Variants in MAPKAP1 observed in about 807,000 individuals in gnomAD.
MAPKAP1 encodes the protein target of rapamycin complex 2 subunit MAPKAP1.
MAPKAP1 carries 20 observed loss-of-function variants against 65.7 expected under a neutral mutation model. The observed-to-expected ratio is 0.30, with a 90% confidence interval of 0.21 to 0.44. The LOEUF is 0.44. Ranked by LOEUF, MAPKAP1 falls within the 20% of genes least tolerant of loss-of-function variation. MAPKAP1 has a pLI of 1.00. For missense variants in MAPKAP1, 423 were observed against 648.0 expected (o/e 0.65, Z 3.77); for synonymous variants, 222 against 244.3 (o/e 0.91, Z 0.85).
chr9:125,644,575 A>G (rs927049260), intron 4 of MAPKAP1, among the ~76,000 whole-genome samples: 6 of 152,230 alleles, frequency 3.9e-5, no homozygotes, highest in South Asian at 2.1e-4. Context: ...TGCTTTATTA[A>G]AGCTCATTAC....
At chr9:125,621,469 C>T (rs1832897661) in intron 4 of MAPKAP1, among the ~76,000 whole-genome samples, 1 of 152,154 alleles carries the variant, frequency 6.6e-6, no homozygotes, top group African/African-American at 2.4e-5. Context: ...TACTACCTAT[C>T]TCAGAAGTTC....
At chr9:125,497,156 G>T (rs769938924) in intron 8 of MAPKAP1, among the ~76,000 whole-genome samples, 1 of 152,260 alleles carries the variant, frequency 6.6e-6, no homozygotes, top group Non-Finnish European at 1.5e-5. Flanking sequence ...CTCAGACTAA[G>T]ACCTCTGGAT....
At chr9:125,663,393 A>C (rs1834245869) in intron 3 of MAPKAP1, among the ~76,000 whole-genome samples, 1 of 152,186 alleles carries the variant, frequency 6.6e-6, no homozygotes, top group Admixed American at 6.5e-5. Flanking sequence ...CTACTCAAAC[A>C]GTACCTTCCT....
chr9:125,647,161 A>G (rs936262080), intron 4 of MAPKAP1, among the ~76,000 whole-genome samples: 2 of 152,174 alleles, frequency 1.3e-5, no homozygotes, highest in African/African-American at 2.4e-5. Context: ...ATAGCAGCAT[A>G]TTTTGCAAAT....
intron 7 of MAPKAP1, among the ~76,000 whole-genome samples, chr9:125,528,401 G>GC (rs1829833681): frequency 6.6e-6 from 1 of 152,184 alleles, no homozygotes; most frequent in Non-Finnish European, 1.5e-5. Context: ...ACTTCTCCCT[G>GC]CCTGCATCAA....
At chr9:125,696,606 T>C (rs745442471) in intron 1 of MAPKAP1, among the ~76,000 whole-genome samples, 2 of 150,614 alleles carry the variant, frequency 1.3e-5, no homozygotes, top group African/African-American at 2.4e-5. Context: ...TAAATGCATA[T>C]ATGAAAAAAA....
At chr9:125,691,462 T>C (rs1835169138) in intron 1 of MAPKAP1, among the ~76,000 whole-genome samples, 1 of 152,184 alleles carries the variant, frequency 6.6e-6, no homozygotes, top group Non-Finnish European at 1.5e-5. Context: ...TTCAGATGTC[T>C]ATGGATTACC....
intron 4 of MAPKAP1, among the ~76,000 whole-genome samples, chr9:125,648,069 G>C (rs958861893): frequency 2.6e-5 from 4 of 151,178 alleles, no homozygotes; most frequent in African/African-American, 7.3e-5. Context: ...AAAAACTTTT[G>C]TTTTTAAATT....
At chr9:125,624,713 C>A (rs1833042930) in intron 4 of MAPKAP1, among the ~76,000 whole-genome samples, 1 of 77,016 alleles carries the variant, frequency 1.3e-5, no homozygotes, top group Non-Finnish European at 2.8e-5. Flanking sequence ...GCCCCTCTGC[C>A]CGGCCACCAC....
chr9:125,546,629 C>G (rs1830433108), intron 6 of MAPKAP1, among the ~76,000 whole-genome samples: 1 of 152,098 alleles, frequency 6.6e-6, no homozygotes, highest in Admixed American at 6.6e-5. Flanking sequence ...TCTAAAAAGT[C>G]TACTGAAATA....
At chr9:125,470,637 AGC>A (rs1029382096) in intron 9 of MAPKAP1, among the ~76,000 whole-genome samples, 3 of 152,250 alleles carry the variant, frequency 2.0e-5, no homozygotes, top group African/African-American at 7.2e-5. Context: ...AGCTCTGCAC[AGC>A]CACAGAACAC....
At chr9:125,461,698 G>A (rs765329257) in intron 10 of MAPKAP1, among the ~76,000 whole-genome samples, 8 of 152,322 alleles carry the variant, frequency 5.3e-5, no homozygotes, top group South Asian at 2.1e-4. Flanking sequence ...AGTCCGTTGT[G>A]TTCTGTAATC....
At chr9:125,457,081 T>C (rs1853199579) in intron 10 of MAPKAP1, among the ~76,000 whole-genome samples, 4 of 151,548 alleles carry the variant, frequency 2.6e-5, no homozygotes, top group South Asian at 4.2e-4. Flanking sequence ...CTCTGCCTCC[T>C]GGGTTCAAGC....
intron 1 of MAPKAP1, among the ~76,000 whole-genome samples, chr9:125,694,360 T>C (rs17259739): frequency 0.29 from 43,671 of 151,462 alleles, 7,613 homozygotes; most frequent in Non-Finnish European, 0.39. Flanking sequence ...AAATTACGGC[T>C]ATAAAACAAA....
chr9:125,491,048 G>A lies in MAPKAP1; in HGVS notation c.1067-6465C>T, dbSNP rs376166224. On this transcript the variant is annotated intron_variant, in intron 8 of 11. Transcript: ENST00000265960. Reference sequence around the variant, plus strand: ...AGCTACTCTGGAGGCTGAGGCAGGAGAATCGCTTGAAGCCAGTAGGCGGAG... The same window carrying A: ...AGCTACTCTGGAGGCTGAGGCAGGAAAATCGCTTGAAGCCAGTAGGCGGAG... Among the ~76,000 whole-genome samples, 22 of 150,900 alleles carry A rather than the reference G, an allele frequency of 1.5e-4. No homozygotes were observed. The East Asian group carries it at 4.3e-3, about 29-fold the overall frequency.
chr9:125,507,265 G>C (rs376845193), intron 7 of MAPKAP1, among the ~76,000 whole-genome samples: 1 of 152,060 alleles, frequency 6.6e-6, no homozygotes, highest in South Asian at 2.1e-4. Flanking sequence ...AACACATAAC[G>C]GGTCCAATGA....
At position 125,438,818 on chromosome 9, in the gene MAPKAP1, G is replaced by A; in HGVS notation, c.*69C>T. 1 of 1,597,888 alleles carries A rather than the reference G, an allele frequency of 6.3e-7. No homozygotes were observed. The highest frequency in any genetic ancestry group is 1.1e-5 in the South Asian group (1 of 89,416). The stretch of plus-strand genomic sequence containing the variant: ...CCCGAGGACTTCAGGACACCGGGTG[G>A]ACTCTAGGGCACTTGGCCCTGGCAG... On this transcript the variant is annotated 3_prime_UTR_variant, in exon 12 of 12. Transcript: ENST00000265960.
At chr9:125,606,628 T>A (rs1832447125) in intron 4 of MAPKAP1, among the ~76,000 whole-genome samples, 2 of 152,174 alleles carry the variant, frequency 1.3e-5, no homozygotes, top group African/African-American at 4.8e-5. Context: ...CAATGAAAAC[T>A]GGGTTGAAGG....
At chr9:125,684,637 G>A (rs748513026) in intron 1 of MAPKAP1, among the ~76,000 whole-genome samples, 9 of 152,158 alleles carry the variant, frequency 5.9e-5, no homozygotes, top group Non-Finnish European at 8.8e-5. Flanking sequence ...GAGCGCCAAA[G>A]CCCAAACAAC....
Sources: allele counts gnomAD v4.1 joint callset (sites outside exome capture counted in the v4.1 genomes callset), GRCh38; gene constraint gnomAD v4.1.1; transcripts MANE v1.5; gene names NCBI Gene and HGNC (gene_info 2026-07-23, HGNC 2026-07-21).